The following ARMH3 variants were observed in gnomAD, a reference collection of about 807,000 sequenced individuals.
ARMH3 encodes the protein armadillo like helical domain containing 3, also known as armadillo-like helical domain-containing protein 3.
In ARMH3, 60 loss-of-function variants were observed where a neutral mutation model predicts 99.1. The observed-to-expected ratio is 0.61, with a 90% CI of 0.49 to 0.75. The LOEUF (loss-of-function observed/expected upper bound fraction) is 0.75, where lower values mean the gene tolerates loss of function less well. Among genes scored for constraint, ARMH3 ranks in the 30% least tolerant of loss-of-function variants. The pLI is 0.00. For synonymous variants in ARMH3, 285 were observed against 292.8 expected, an observed-to-expected ratio of 0.97 and a Z score of 0.27; for missense variants, 679 against 843.1, an observed-to-expected ratio of 0.81 and a Z score of 2.41.
rs116933231 is a variant in ARMH3, at chr10:101,943,730, C to T, written c.1706-3792G>A. Among the ~76,000 whole-genome samples the T allele has an allele frequency of 5.9e-4, 89 of 151,952 alleles. 1 individual carries two copies. Among genetic ancestry groups the T allele is most frequent in the East Asian group, 1.4e-3 (7 of 5,170 alleles). On this transcript the variant is annotated intron_variant, in intron 22 of 25. Transcript: ENST00000370033. ...ATCAGTCAGTAGAAACAGACCTAGA[C>T]GTGAAGAAAGACAATGGAAGGAGAA...
At chr10:101,978,295 A>T (rs1249059231) in intron 19 of ARMH3, among the ~76,000 whole-genome samples, 1 of 151,494 alleles carries the variant, frequency 6.6e-6, no homozygotes, top group East Asian at 1.9e-4. Context: ...CATATGGTGA[A>T]TTATAAATAC....
At chr10:102,022,561 T>C (rs911710588) in intron 8 of ARMH3, among the ~76,000 whole-genome samples, 6 of 147,956 alleles carry the variant, frequency 4.1e-5, no homozygotes, top group African/African-American at 1.5e-4. Context: ...TGATTTACTG[T>C]GTCCAGGATA....
At chr10:102,002,627 C>T (rs2066387690) in intron 14 of ARMH3, among the ~76,000 whole-genome samples, 1 of 151,978 alleles carries the variant, frequency 6.6e-6, no homozygotes, top group Non-Finnish European at 1.5e-5. Flanking sequence ...GCAGACTTCC[C>T]TTCCCCGCTT....
intron 2 of ARMH3, among the ~76,000 whole-genome samples, chr10:102,033,696 G>A (rs559939756): frequency 6.6e-6 from 1 of 152,332 alleles, no homozygotes; most frequent in East Asian, 1.9e-4. Flanking sequence ...GGGATTACAG[G>A]CGTGAGCCAC....
intron 23 of ARMH3, among the ~76,000 whole-genome samples, chr10:101,903,596 A>G (rs1564737046): frequency 2.0e-5 from 3 of 152,182 alleles, no homozygotes; most frequent in African/African-American, 7.2e-5. Context: ...TTAGGCAAGG[A>G]AAGGTGAGAA....
At chr10:101,933,970 T>C (rs184996102) in intron 23 of ARMH3, among the ~76,000 whole-genome samples, 123 of 152,360 alleles carry the variant, frequency 8.1e-4, no homozygotes, top group Non-Finnish European at 5.9e-4. Context: ...AAGTGAATTA[T>C]AGCAATGCAG....
rs532040083 is a variant in ARMH3, at chr10:102,019,785, G to A, written c.669+3692C>T. On this transcript the variant is annotated intron_variant, in intron 8 of 25. Coordinates refer to ENST00000370033, the MANE Select transcript of ARMH3 (RefSeq NM_024541.3). ...TACTAAAAATACAAAAAAATTAGCCGGGCGTGGTGGCAGGCACTTGTAATC... is the reference window on the plus strand; with the variant it reads ...TACTAAAAATACAAAAAAATTAGCCAGGCGTGGTGGCAGGCACTTGTAATC... Among the ~76,000 whole-genome samples, 19 of 151,902 alleles carry A rather than the reference G, an allele frequency of 1.3e-4. No homozygotes were observed. In the South Asian group the frequency reaches 1.7e-3, roughly 13 times the overall value.
At chr10:102,009,471 T>G (rs1407420774) in intron 12 of ARMH3, 22 bp from the exon 13 acceptor site, 1 of 1,599,950 alleles carries the variant, frequency 6.3e-7, no homozygotes. Context: ...GAGAACAAAT[T>G]GGAGCAGTTT....
intron 14 of ARMH3, among the ~76,000 whole-genome samples, chr10:102,004,210 A>G (rs950787784): frequency 6.6e-6 from 1 of 152,330 alleles, no homozygotes. Flanking sequence ...GGCTCTGGTG[A>G]CATACCTTTA....
chr10:102,011,220 G>A (rs2066622072), intron 11 of ARMH3, among the ~76,000 whole-genome samples: 1 of 151,936 alleles, frequency 6.6e-6, no homozygotes, highest in African/African-American at 2.4e-5. Context: ...TAGAAGAGTG[G>A]CACAGATCTA....
At chr10:101,984,223 T>A (rs544509538) in intron 19 of ARMH3, among the ~76,000 whole-genome samples, 1 of 152,346 alleles carries the variant, frequency 6.6e-6, no homozygotes, top group South Asian at 2.1e-4. Context: ...CCAAGTGACA[T>A]AAGTTGCAAT....
chr10:101,929,224 T>C (rs1159291276), intron 23 of ARMH3, among the ~76,000 whole-genome samples: 1 of 152,190 alleles, frequency 6.6e-6, no homozygotes, highest in East Asian at 1.9e-4. Context: ...TACTTTGTTA[T>C]AAAGCTCAAT....
chr10:102,025,988 A>C (rs950149828), intron 5 of ARMH3, among the ~76,000 whole-genome samples: 2 of 152,314 alleles, frequency 1.3e-5, no homozygotes, highest in Admixed American at 6.5e-5. Flanking sequence ...TGATTCAGGC[A>C]CACTGAATAA....
rs201412666 is a variant in ARMH3, at chr10:102,037,183, C to CT, written c.102+2829dup. Among the ~76,000 whole-genome samples the CT allele has an allele frequency of 3.1e-3, 427 of 137,330 alleles. 1 individual carries two copies. The highest frequency in any genetic ancestry group is 5.1e-3 in the East Asian group (24 of 4,746). 90.1% of individuals were successfully genotyped at this position (137,330 alleles called of 152,430 possible). On this transcript the variant is annotated intron_variant, in intron 2 of 25. Coordinates refer to ENST00000370033, the MANE Select transcript of ARMH3 (RefSeq NM_024541.3). ...AATAATCTCTTCTGGATTTTGTTTT[C>CT]TTTTTTTTTTTTTTTTGAGATGGAT...
intron 19 of ARMH3, among the ~76,000 whole-genome samples, chr10:101,985,397 CA>C (rs996078503): frequency 4.6e-5 from 7 of 150,854 alleles, no homozygotes; most frequent in Admixed American, 4.6e-4. Flanking sequence ...TACATACATA[CA>C]TGTGTATATG....
At position 101,993,602 on chromosome 10, in the gene ARMH3, T is replaced by C; in HGVS notation, c.1211A>G (p.Asp404Gly). Residue 404 changes from aspartate (D) to glycine (G), a missense_variant and splice_region_variant, in exon 17 of 26, where the codon GAT becomes GGT. Asp to Gly is a moderately conservative substitution (Grantham distance 94, BLOSUM62 -1). This residue lies in a region of ARMH3 where 389 missense variants were observed against 456.5 expected (regional missense o/e 0.85). Transcript: ENST00000370033. ...ATGCAAAAATGCATTGGCATATTGA[T>C]CCTAATAAAAATATAGAGAAAAAGT... ...CLIILTCIAE[D>G]QYANAFLHDD... 3 of 1,585,550 alleles carry C rather than the reference T, an allele frequency of 1.9e-6. No homozygotes were observed. The highest frequency in any genetic ancestry group is 2.6e-6 in the Non-Finnish European group (3 of 1,162,682).
At chr10:101,911,285 C>G (rs1365133893) in intron 23 of ARMH3, among the ~76,000 whole-genome samples, 1 of 152,170 alleles carries the variant, frequency 6.6e-6, no homozygotes, top group Non-Finnish European at 1.5e-5. Flanking sequence ...CAATTCTCTG[C>G]TCTGCTGTCA....
chr10:101,903,835 C>T (rs1282680797), intron 23 of ARMH3, among the ~76,000 whole-genome samples: 1 of 152,182 alleles, frequency 6.6e-6, no homozygotes, highest in East Asian at 1.9e-4. Flanking sequence ...AAGACCTCTG[C>T]CTGTTGGGGT....
At chr10:101,928,453 A>C (rs1287944300) in intron 23 of ARMH3, among the ~76,000 whole-genome samples, 1 of 152,224 alleles carries the variant, frequency 6.6e-6, no homozygotes, top group South Asian at 2.1e-4. Context: ...ATTTGAGCCA[A>C]TAAAAACGGG....
Sources: allele counts gnomAD v4.1 joint callset (sites outside exome capture counted in the v4.1 genomes callset), GRCh38; gene constraint gnomAD v4.1.1; regional missense constraint gnomAD v4.1.1; transcripts MANE v1.5; gene names NCBI Gene and HGNC (gene_info 2026-07-23, HGNC 2026-07-21).